Variants in BICD2 observed in about 807,000 individuals in gnomAD.
BICD2 encodes BICD cargo adaptor 2.
In BICD2, 25 loss-of-function variants were observed where a neutral mutation model predicts 72.9. That is an observed-to-expected ratio of 0.34 (90% CI 0.25 to 0.48). The LOEUF (loss-of-function observed/expected upper bound fraction) is 0.48, where lower values mean the gene tolerates loss of function less well. Ranked by LOEUF, BICD2 falls within the 20% of genes least tolerant of loss-of-function variation. The pLI is 0.99. For missense variants in BICD2, 894 were observed against 1,175.2 expected (o/e 0.76, Z 3.50); for synonymous variants, 501 against 516.1 (o/e 0.97, Z 0.40).
At chr9:92,725,034 G>C (rs1853538054) in intron 2 of BICD2, among the ~76,000 whole-genome samples, 1 of 152,214 alleles carries the variant, frequency 6.6e-6, no homozygotes, top group Non-Finnish European at 1.5e-5. Context: ...AAACCTAGAA[G>C]GTGCTCCAGG....
chr9:92,728,792 C>A (rs1479800641), intron 2 of BICD2, among the ~76,000 whole-genome samples: 1 of 152,264 alleles, frequency 6.6e-6, no homozygotes, highest in East Asian at 1.9e-4. Context: ...ATGAGTGAGA[C>A]AGAAGCAAGC....
intron 1 of BICD2, among the ~76,000 whole-genome samples, chr9:92,755,134 C>T (rs530373110): frequency 2.0e-5 from 3 of 151,958 alleles, no homozygotes; most frequent in African/African-American, 7.2e-5. Flanking sequence ...ACTGGCCCCC[C>T]TGGGGCATAC....
In BICD2 at chr9:92,718,688, G is replaced by C; in HGVS notation, c.1957C>G (p.Arg653Gly). 4.3e-6 allele frequency: 7 copies of C among 1,614,126 alleles called. No homozygotes were observed. The highest frequency in any genetic ancestry group is 5.9e-6 in the Non-Finnish European group (7 of 1,180,020). ...AAVDRTTELSRQRIASQELGP... is the reference protein window; with the variant it reads ...AAVDRTTELSGQRIASQELGP... ...AGCTCCTGAGAGGCAATGCGCTGGC[G>C]TGACAGCTCCGTGGTGCGGTCCACG... Residue 653 changes from arginine (R) to glycine (G), a missense_variant, in exon 5 of 7, where the codon CGC (arginine) becomes GGC (glycine). Around this residue, in one of 5 missense-constraint regions of BICD2, gnomAD observed 321 missense variants for 443.9 expected, o/e 0.72. Coordinates refer to ENST00000356884, the MANE Select transcript of BICD2 (RefSeq NM_001003800.2).
chr9:92,713,513 G>A lies in BICD2; in HGVS notation c.*1641C>T, dbSNP rs1404423399. 2 of 1,568,952 alleles carry A rather than the reference G, an allele frequency of 1.3e-6. No homozygotes were observed. Among genetic ancestry groups the A allele is most frequent in the Admixed American group, 1.8e-5 (1 of 54,168 alleles). ...AGAAAGCGGTCATCTGTCGCTTCCTGTTTATCTGACAATTGAAGCTCTCCA... is the reference window on the plus strand; with the variant it reads ...AGAAAGCGGTCATCTGTCGCTTCCTATTTATCTGACAATTGAAGCTCTCCA... On this transcript the variant is annotated 3_prime_UTR_variant, in exon 7 of 7. Coordinates refer to ENST00000356884, the MANE Select transcript of BICD2 (RefSeq NM_001003800.2).
In BICD2 at chr9:92,720,726, G is replaced by C; in HGVS notation, c.636C>G (p.Ile212Met). Residue 212 changes from isoleucine (I) to methionine (M), a missense_variant, in exon 4 of 7, where the codon ATC (isoleucine) becomes ATG (methionine). Transcript: ENST00000356884. The surrounding 1 kb of genome is among the most constrained non-coding windows in gnomAD (Gnocchi z 5.4). ...ACTCGGTCTCCTCCTCCAGACGCTT[G>C]ATCTCATGCTTGAGGCCCTCAAACT... ...QVEFEGLKHE[I>M]KRLEEETEYL... is the part of the protein sequence containing the mutation. The C allele has an allele frequency of 6.2e-7, 1 of 1,614,054 alleles. No homozygotes were observed.
At chr9:92,753,210 G>A (rs1854185717) in intron 1 of BICD2, among the ~76,000 whole-genome samples, 1 of 152,178 alleles carries the variant, frequency 6.6e-6, no homozygotes, top group African/African-American at 2.4e-5. Flanking sequence ...GAACAGGGAA[G>A]GTCTGAGAAA....
intron 5 of BICD2, among the ~76,000 whole-genome samples, chr9:92,718,182 C>A (rs1176642032): frequency 6.6e-6 from 1 of 152,244 alleles, no homozygotes; most frequent in Non-Finnish European, 1.5e-5. Flanking sequence ...AACCTGCCAA[C>A]AGGACCTCCA....
rs901414007 is a variant in BICD2, at chr9:92,713,719, G to C, written c.*1435C>G. On this transcript the variant is annotated 3_prime_UTR_variant, in exon 7 of 7. Transcript: ENST00000356884. Reference sequence around the variant, plus strand: ...TGGGCATGCCAGCAGCCATCCCACTGCGAGTCTTGCTGGGGCAGGGGGATC... The same window carrying C: ...TGGGCATGCCAGCAGCCATCCCACTCCGAGTCTTGCTGGGGCAGGGGGATC... 5.1e-6 allele frequency: 7 copies of C among 1,373,112 alleles called. No individual in the cohort carries two copies. Among genetic ancestry groups the C allele is most frequent in the Middle Eastern group, 5.5e-4 (2 of 3,612 alleles). The allele number at this position is 1,373,112 out of a possible 1,614,324, so 85.1% of individuals were successfully genotyped here. A position where few individuals can be genotyped will look rare whatever the true frequency, so the allele number is the denominator to read the frequency against.
At position 92,718,846 on chromosome 9, in the gene BICD2, C is replaced by T. The variant is rs780775754; in HGVS notation, c.1799G>A (p.Gly600Asp). The change falls in exon 5 of 7, where the codon GGT (glycine) becomes GAT (aspartate). Residue 600 changes from glycine (G) to aspartate (D), a missense_variant. By Grantham distance (94) the Gly-to-Asp change is moderately conservative. This residue lies in a region of BICD2 where 321 missense variants were observed against 443.9 expected (regional missense o/e 0.72). Coordinates refer to ENST00000356884, the MANE Select transcript of BICD2 (RefSeq NM_001003800.2). ...LLAPEAGRAD[G>D]GTGDSSPSPG... The stretch of plus-strand genomic sequence containing the variant: ...CGAGGGGCTGCTGTCCCCCGTCCCA[C>T]CATCTGCTCGGCCCGCCTCAGGAGC... 5 of 1,606,680 alleles carry T rather than the reference C, an allele frequency of 3.1e-6. No homozygotes were observed. The South Asian group carries it at 5.5e-5, about 18-fold the overall frequency.
At chr9:92,743,993 G>GGT (rs1172593973) in intron 1 of BICD2, among the ~76,000 whole-genome samples, 1 of 152,194 alleles carries the variant, frequency 6.6e-6, no homozygotes. Flanking sequence ...AAGTGCCCGT[G>GGT]GTGAGGATGG....
intron 1 of BICD2, among the ~76,000 whole-genome samples, chr9:92,750,299 AGGT>A (rs1854121034): frequency 6.6e-6 from 1 of 152,358 alleles, no homozygotes; most frequent in Non-Finnish European, 1.5e-5. Context: ...CAGACTCTTC[AGGT>A]AATTACCCAA....
chr9:92,738,403 CCTT>C (rs1853831571), intron 1 of BICD2, among the ~76,000 whole-genome samples: 1 of 152,204 alleles, frequency 6.6e-6, no homozygotes, highest in Non-Finnish European at 1.5e-5. Flanking sequence ...GCCTCACTGT[CCTT>C]CTGCATATGG....
intron 1 of BICD2, among the ~76,000 whole-genome samples, chr9:92,752,282 G>A (rs1453378194): frequency 6.6e-6 from 1 of 151,770 alleles, no homozygotes; most frequent in Non-Finnish European, 1.5e-5. Context: ...ACTGAGGGAG[G>A]AAACAGATAA....
At position 92,729,655 on chromosome 9, in the gene BICD2, A is replaced by C. The variant is rs114197997; in HGVS notation, c.241-419T>G. 6.9e-3 allele frequency among the ~76,000 whole-genome samples: 1,053 copies of C among 152,324 alleles called. 15 individuals carry two copies. Among genetic ancestry groups the C allele is most frequent in the African/African-American group, 0.021 (856 of 41,576 alleles). ...TATGAAAGGCAGAGGGAGTCTGTCC[A>C]TCCTGCTGCCTGATGCTGGCTCATC... On this transcript the variant is annotated intron_variant, in intron 1 of 6. Coordinates refer to ENST00000356884, the MANE Select transcript of BICD2 (RefSeq NM_001003800.2).
Position 92,718,767 on chromosome 9 carries a change from G to A in BICD2, c.1878C>T (p.Asn626=), listed in dbSNP as rs748417533. 6.2e-6 allele frequency: 10 copies of A among 1,613,906 alleles called. No individual in the cohort carries two copies. In the African/African-American group the frequency reaches 1.3e-4, roughly 22 times the overall value. The change falls in exon 5 of 7, where the codon AAC becomes AAT. Residue 626 remains asparagine, a synonymous_variant. Transcript: ENST00000356884. ...PLSDPRREPM[N]IYNLIAIIRD... is the part of the protein sequence containing the mutation. ...GGATGATAGCGATCAGGTTGTAGATGTTCATGGGCTCCCGGCGTGGGTCAC... is the reference window on the plus strand; with the variant it reads ...GGATGATAGCGATCAGGTTGTAGATATTCATGGGCTCCCGGCGTGGGTCAC...
chr9:92,715,538 T>G, intron 6 of BICD2, 75 bp from the exon 7 acceptor site: 1 of 1,436,960 alleles, frequency 7.0e-7, no homozygotes, highest in South Asian at 1.4e-5. Flanking sequence ...AGGGCTAAGC[T>G]GCACGGCCCT....
chr9:92,733,255 C>T (rs549629943), intron 1 of BICD2, among the ~76,000 whole-genome samples: 13 of 152,208 alleles, frequency 8.5e-5, no homozygotes, highest in South Asian at 4.2e-4. Context: ...AATAGTTTTT[C>T]GGCCAGGCAC....
At chr9:92,750,308 C>T (rs1854121170) in intron 1 of BICD2, among the ~76,000 whole-genome samples, 1 of 152,116 alleles carries the variant, frequency 6.6e-6, no homozygotes, top group Non-Finnish European at 1.5e-5. Flanking sequence ...CAGGTAATTA[C>T]CCAAATGGTA....
At chr9:92,762,057 C>A (rs74453373) in intron 1 of BICD2, among the ~76,000 whole-genome samples, 2 of 152,204 alleles carry the variant, frequency 1.3e-5, no homozygotes, top group Non-Finnish European at 2.9e-5. Flanking sequence ...CTTCCCTCAA[C>A]GATCCTATTA....
Sources: allele counts gnomAD v4.1 joint callset (sites outside exome capture counted in the v4.1 genomes callset), GRCh38; gene constraint gnomAD v4.1.1; regional missense constraint gnomAD v4.1.1; non-coding constraint Gnocchi (gnomAD v3.1); transcripts MANE v1.5; gene names NCBI Gene and HGNC (gene_info 2026-07-23, HGNC 2026-07-21).